NKAIN2: variants seen among roughly 807,000 people sequenced by gnomAD.
NKAIN2 encodes the protein sodium/potassium-transporting ATPase subunit beta-1-interacting protein 2.
A neutral mutation model predicts 32.6 loss-of-function variants in NKAIN2; 14 were observed. That is an observed-to-expected ratio of 0.43 (90% CI 0.28 to 0.67). NKAIN2 has a LOEUF of 0.67. NKAIN2 is among the 30% of genes least tolerant of loss of function. NKAIN2 has a pLI of 0.17. For missense variants in NKAIN2, 198 were observed against 258.3 expected, an observed-to-expected ratio of 0.77 and a Z score of 1.60; for synonymous variants, 80 against 87.2, an observed-to-expected ratio of 0.92 and a Z score of 0.46.
rs61191593 is a variant in NKAIN2, at chr6:124,476,065, A to AGTGTGT, written c.273+120746_273+120751dup. On this transcript the variant is annotated intron_variant, in intron 3 of 6. Coordinates refer to ENST00000368417, the MANE Select transcript of NKAIN2 (RefSeq NM_001040214.3). The stretch of plus-strand genomic sequence containing the variant: ...GTGTGTGTGAGAGAGAGAGAGAGAG[A>AGTGTGT]GTGTGTGTGTGTGTGTGTGTGTGTG... 2.6e-3 allele frequency among the ~76,000 whole-genome samples: 348 copies of AGTGTGT among 132,536 alleles called. 1 individual carries two copies. The highest frequency in any genetic ancestry group is 8.3e-3 in the African/African-American group (290 of 34,784). The allele number at this position is 132,536 out of a possible 152,430, so 86.9% of individuals were successfully genotyped here. A position where few individuals can be genotyped will look rare whatever the true frequency, so the allele number is the denominator to read the frequency against.
intron 3 of NKAIN2, among the ~76,000 whole-genome samples, chr6:124,500,641 AAG>A (rs1203286297): frequency 6.6e-6 from 1 of 151,996 alleles, no homozygotes; most frequent in Non-Finnish European, 1.5e-5. Flanking sequence ...GTGACAGAGC[AAG>A]ACTCTGTCTC....
At chr6:124,073,714 C>A (rs1442800066) in intron 1 of NKAIN2, among the ~76,000 whole-genome samples, 2 of 152,150 alleles carry the variant, frequency 1.3e-5, no homozygotes, top group African/African-American at 2.4e-5. Context: ...ACAAATCCCT[C>A]TGAACCTCAT....
chr6:123,849,370 G>T (rs1227640981), intron 1 of NKAIN2, among the ~76,000 whole-genome samples: 1 of 152,208 alleles, frequency 6.6e-6, no homozygotes, highest in African/African-American at 2.4e-5. Flanking sequence ...ATGGCAGGAA[G>T]CCAAGCAATG....
chr6:123,830,326 T>G (rs1204657943), intron 1 of NKAIN2, among the ~76,000 whole-genome samples: 1 of 152,132 alleles, frequency 6.6e-6, no homozygotes, highest in Non-Finnish European at 1.5e-5. Flanking sequence ...TTCCCTGCTG[T>G]TAACACTTCA....
chr6:124,359,362 C>T (rs542071233), intron 3 of NKAIN2, among the ~76,000 whole-genome samples: 1 of 152,112 alleles, frequency 6.6e-6, no homozygotes, highest in East Asian at 1.9e-4. Flanking sequence ...TTACCTTGGG[C>T]AGTATGGCCA....
intron 1 of NKAIN2, among the ~76,000 whole-genome samples, chr6:123,980,306 T>C (rs975773036): frequency 6.6e-5 from 10 of 152,308 alleles, no homozygotes; most frequent in African/African-American, 1.2e-4. Context: ...TAATGAGATA[T>C]GGAAGGGACA....
chr6:124,348,297 G>T (rs1286623720), intron 2 of NKAIN2, among the ~76,000 whole-genome samples: 1 of 152,180 alleles, frequency 6.6e-6, no homozygotes, highest in African/African-American at 2.4e-5. Flanking sequence ...GGGCCCACTT[G>T]AGGAGGCAGT....
chr6:124,726,962 G>A (rs1217405859), intron 4 of NKAIN2, among the ~76,000 whole-genome samples: 1 of 143,084 alleles, frequency 7.0e-6, no homozygotes, highest in African/African-American at 2.6e-5. Context: ...TATCAGCGAT[G>A]GAAGATGAAA....
At chr6:124,627,042 G>C (rs926299811) in intron 3 of NKAIN2, among the ~76,000 whole-genome samples, 1 of 152,124 alleles carries the variant, frequency 6.6e-6, no homozygotes, top group African/African-American at 2.4e-5. Flanking sequence ...GGACAAGGTG[G>C]GTGGATAACT....
intron 1 of NKAIN2, among the ~76,000 whole-genome samples, chr6:123,889,468 A>T (rs1773895052): frequency 6.6e-6 from 1 of 152,112 alleles, no homozygotes; most frequent in Non-Finnish European, 1.5e-5. Flanking sequence ...TCGGTTTTGT[A>T]ACTCATTTGC....
At chr6:123,820,143 C>A (rs1773864296) in intron 1 of NKAIN2, among the ~76,000 whole-genome samples, 1 of 152,160 alleles carries the variant, frequency 6.6e-6, no homozygotes, top group Non-Finnish European at 1.5e-5. Flanking sequence ...TCAAAACAAT[C>A]CAATCAACAT....
chr6:123,823,581 G>A (rs1774014816), intron 1 of NKAIN2, among the ~76,000 whole-genome samples: 3 of 152,190 alleles, frequency 2.0e-5, no homozygotes, highest in Admixed American at 6.6e-5. Flanking sequence ...TGTAGAATGT[G>A]TGTAGAGGTC....
chr6:123,899,693 GCTTT>G (rs1404771297), intron 1 of NKAIN2, among the ~76,000 whole-genome samples: 2 of 152,164 alleles, frequency 1.3e-5, no homozygotes, highest in Non-Finnish European at 2.9e-5. Flanking sequence ...CTCTCAGATA[GCTTT>G]CTCTTTTCTT....
chr6:124,691,931 C>G (rs1295679692), intron 4 of NKAIN2, among the ~76,000 whole-genome samples: 1 of 152,178 alleles, frequency 6.6e-6, no homozygotes, highest in Non-Finnish European at 1.5e-5. Flanking sequence ...TTTCTAACTT[C>G]TTTCCTGTGT....
At chr6:124,775,643 T>C (rs1434160619) in intron 4 of NKAIN2, among the ~76,000 whole-genome samples, 2 of 152,140 alleles carry the variant, frequency 1.3e-5, no homozygotes, top group Non-Finnish European at 2.9e-5. Flanking sequence ...TGAATTGTAA[T>C]TGCATGTGAC....
chr6:124,406,064 G>C (rs1419192627), intron 3 of NKAIN2, among the ~76,000 whole-genome samples: 1 of 132,342 alleles, frequency 7.6e-6, no homozygotes, highest in African/African-American at 2.9e-5. Flanking sequence ...ATGTTTTAAA[G>C]TTTTATTGAG....
At chr6:124,463,030 G>T (rs1035437866) in intron 3 of NKAIN2, among the ~76,000 whole-genome samples, 1 of 152,172 alleles carries the variant, frequency 6.6e-6, no homozygotes, top group East Asian at 1.9e-4. Context: ...AGCCAACAGA[G>T]TGATGATTCC....
At chr6:124,701,423 G>A (rs971254806) in intron 4 of NKAIN2, among the ~76,000 whole-genome samples, 1 of 151,978 alleles carries the variant, frequency 6.6e-6, no homozygotes, top group Non-Finnish European at 1.5e-5. Flanking sequence ...ACTCAGAAGA[G>A]TATTAAGTAT....
chr6:124,301,478 A>G (rs1796290928), intron 2 of NKAIN2, among the ~76,000 whole-genome samples: 1 of 152,160 alleles, frequency 6.6e-6, no homozygotes, highest in African/African-American at 2.4e-5. Context: ...GAAGGCCACC[A>G]TCCTCCAGAC....
Sources: gnomAD v4.1 joint callset for allele counts (sites outside exome capture counted in the v4.1 genomes callset) on GRCh38, gnomAD v4.1.1 for gene constraint, MANE v1.5 for transcripts, NCBI Gene and HGNC (gene_info 2026-07-23, HGNC 2026-07-21) for gene names.